ATP1A1: variants seen among roughly 807,000 people sequenced by gnomAD.
ATP1A1 encodes the protein ATPase Na+/K+ transporting subunit alpha 1, also known as sodium/potassium-transporting ATPase subunit alpha-1.
Under a neutral mutation model 114.8 loss-of-function variants are expected in ATP1A1, and 14 were observed. That is an observed-to-expected ratio of 0.12 (90% CI 0.08 to 0.19). The LOEUF (loss-of-function observed/expected upper bound fraction) is 0.19. Ranked by LOEUF, ATP1A1 falls within the 10% of genes least tolerant of loss-of-function variation. The pLI is 1.00. For synonymous variants in ATP1A1, 471 were observed against 466.3 expected (o/e 1.01, Z -0.13); for missense variants, 524 against 1,290.7 (o/e 0.41, Z 9.10).
In ATP1A1 at chr1:116,400,976, C is replaced by T. The variant is rs148578371; in HGVS notation, c.2688C>T (p.Asn896=). 31 of 1,614,146 alleles carry T rather than the reference C, an allele frequency of 1.9e-5. No homozygotes were observed. The African/African-American group carries it at 2.1e-4, about 11-fold the overall frequency. Residue 896 remains asparagine, a synonymous_variant, in exon 19 of 23, where the codon AAC becomes AAT. Transcript: ENST00000295598. The stretch of plus-strand genomic sequence containing the variant: ...TGGACTGGGATGACCGCTGGATCAA[C>T]GATGTGGAAGACAGCTACGGGCAGC... ...LRVDWDDRWI[N]DVEDSYGQQW...
chr1:116,378,399 T>C (rs1651504310), intron 1 of ATP1A1, among the ~76,000 whole-genome samples: 2 of 152,254 alleles, frequency 1.3e-5, no homozygotes, highest in African/African-American at 4.8e-5. Flanking sequence ...TAATGACTAT[T>C]GGCTGTCTCA....
At chr1:116,392,512 G>C (rs879301787) in intron 10 of ATP1A1, 1 of 185,644 alleles carries the variant, frequency 5.4e-6, no homozygotes, top group Non-Finnish European at 1.1e-5. Context: ...TTGGCTTTGA[G>C]ACTTTTCAGT....
At chr1:116,382,521 C>G (rs1209343009) in intron 1 of ATP1A1, 1 of 152,182 alleles carries the variant, frequency 6.6e-6, no homozygotes, top group Non-Finnish European at 1.5e-5. Flanking sequence ...AAGATAGAAA[C>G]TAAAGAACCC....
At chr1:116,402,724 G>A (rs1183024312) in intron 21 of ATP1A1, among the ~76,000 whole-genome samples, 2 of 152,140 alleles carry the variant, frequency 1.3e-5, no homozygotes, top group African/African-American at 4.8e-5. Context: ...CCCTCCTTCT[G>A]TTCCCTCTTA....
At chr1:116,383,299 G>A in intron 1 of ATP1A1, 1 of 1,042,888 alleles carries the variant, frequency 9.6e-7, no homozygotes, top group Non-Finnish European at 1.2e-6. Flanking sequence ...AGGAGTCTTA[G>A]GCTGACTTTT....
intron 1 of ATP1A1, chr1:116,374,146 C>G (rs1295941728): frequency 1.3e-6 from 2 of 1,548,528 alleles, no homozygotes; most frequent in East Asian, 4.9e-5. Context: ...GCCGCCCTCC[C>G]CCAAAGAAAA....
chr1:116,388,739 T>C lies in ATP1A1; in HGVS notation c.603T>C (p.Ala201=). ...VEVKGGDRIP[A]DLRIISANGC... ...TAAAAGGAGGAGACCGAATTCCTGC[T>C]GACCTCAGAATCATATCTGCAAATG... The change falls in exon 6 of 23, where the codon GCT becomes GCC. Residue 201 remains alanine, a synonymous_variant. Coordinates refer to ENST00000295598, the MANE Select transcript of ATP1A1 (RefSeq NM_000701.8). This position sits in a 1 kb window ranked among gnomAD's most constrained non-coding sequence, Gnocchi z 5.6. 6.2e-7 allele frequency: 1 copy of C among 1,614,238 alleles called. No homozygotes were observed. The highest frequency in any genetic ancestry group is 8.5e-7 in the Non-Finnish European group (1 of 1,180,048).
intron 10 of ATP1A1, 115 bp downstream of exon 10, chr1:116,391,006 C>G: frequency 2.3e-6 from 2 of 874,862 alleles, no homozygotes; most frequent in Non-Finnish European, 3.7e-6. Flanking sequence ...CTGTAGAACA[C>G]CTGGAGTGGT....
At position 116,386,542 on chromosome 1, in the gene ATP1A1, ATATTT is replaced by A. The variant is rs1462867108; in HGVS notation, c.184-739_184-735del. Among the ~76,000 whole-genome samples the A allele has an allele frequency of 8.5e-5, 13 of 152,278 alleles. No homozygotes were observed. The East Asian group carries it at 2.5e-3, about 29-fold the overall frequency. ...AGATAAATAGATACTTTAGACAAAA[ATATTT>A]TATTTTTTTTTTGACTTGTTATTTT... On this transcript the variant is annotated intron_variant, in intron 3 of 22. Transcript: ENST00000295598.
rs1422154504 is a variant in ATP1A1 at position 116,397,235 on chromosome 1, T to C, written c.1973+501T>C. ...ACAGATAATAGCAAATTGGTTTTGT[T>C]TTAAGGTTTAGGGCCCTTTCACCCT... On this transcript the variant is annotated intron_variant, in intron 14 of 22. Coordinates refer to ENST00000295598, the MANE Select transcript of ATP1A1 (RefSeq NM_000701.8). The surrounding 1 kb of genome is among the most constrained non-coding windows in gnomAD (Gnocchi z 4.2). 6.6e-6 allele frequency among the ~76,000 whole-genome samples: 1 copy of C among 152,204 alleles called. No individual in the cohort carries two copies. The highest frequency in any genetic ancestry group is 1.9e-4 in the East Asian group (1 of 5,202).
At chr1:116,403,027 G>C in intron 21 of ATP1A1, among the ~76,000 whole-genome samples, 1 of 152,200 alleles carries the variant, frequency 6.6e-6, no homozygotes, top group Non-Finnish European at 1.5e-5. Flanking sequence ...TTCCAAAAAG[G>C]CTGGTGGAAA....
In ATP1A1 at chr1:116,378,845, A is replaced by G. The variant is rs530940510; in HGVS notation, c.13-5169A>G. Among the ~76,000 whole-genome samples the G allele has an allele frequency of 2.6e-5, 4 of 152,300 alleles. No homozygotes were observed. In the South Asian group the frequency reaches 8.3e-4, roughly 32 times the overall value. ...TAATCAGTTGTCTCTAACCAGAGCA[A>G]TCTGGTAAAATGAAAAAAAGGAGGG... On this transcript the variant is annotated intron_variant, in intron 1 of 22. Transcript: ENST00000295598.
chr1:116,392,669 C>A, intron 10 of ATP1A1, 185 bp from the exon 11 acceptor site: 1 of 599,970 alleles, frequency 1.7e-6, no homozygotes, highest in Non-Finnish European at 2.7e-6. Flanking sequence ...GTCTGAAGCA[C>A]TGTGAACAGC....
Position 116,373,404 on chromosome 1 carries a change from C to A in ATP1A1, c.-108C>A. 8.2e-7 allele frequency: 1 copy of A among 1,213,022 alleles called. No homozygotes were observed. The highest frequency in any genetic ancestry group is 1.1e-6 in the Non-Finnish European group (1 of 893,254). 75.1% of individuals were successfully genotyped at this position (1,213,022 alleles called of 1,614,324 possible). A position where few individuals can be genotyped will look rare whatever the true frequency, so the allele number is the denominator to read the frequency against. On this transcript the variant is annotated 5_prime_UTR_variant, in exon 1 of 23. Coordinates refer to ENST00000295598, the MANE Select transcript of ATP1A1 (RefSeq NM_000701.8). ...CCCGCCCCGCGGCAGCCCTAGCTCCCTCCACTTGGCTCCCCTGGTCCCGCT... is the reference window on the plus strand; with the variant it reads ...CCCGCCCCGCGGCAGCCCTAGCTCCATCCACTTGGCTCCCCTGGTCCCGCT...
intron 1 of ATP1A1, 83 bp downstream of exon 1, chr1:116,373,606 G>C (rs1038731059): frequency 1.6e-6 from 2 of 1,289,852 alleles, no homozygotes; most frequent in Non-Finnish European, 2.0e-6. Context: ...ACCGCGGCCA[G>C]CGGGAGGCGG....
At chr1:116,402,726 TC>T (rs1388245130) in intron 21 of ATP1A1, among the ~76,000 whole-genome samples, 4 of 152,222 alleles carry the variant, frequency 2.6e-5, no homozygotes, top group Non-Finnish European at 4.4e-5. Flanking sequence ...CTCCTTCTGT[TC>T]CCTCTTACCC....
At chr1:116,374,183 G>C (rs1275894961) in intron 1 of ATP1A1, 3 of 1,550,300 alleles carry the variant, frequency 1.9e-6, no homozygotes, top group Non-Finnish European at 2.6e-6. Context: ...GTGCGAAGCC[G>C]GCTGGGCGGG....
chr1:116,396,551 T>C (rs754225030), intron 13 of ATP1A1, 47 bp from the exon 14 acceptor site: 1 of 1,608,312 alleles, frequency 6.2e-7, no homozygotes, highest in Admixed American at 1.7e-5. Context: ...GACTTTAAGG[T>C]CATTTACTTG....
chr1:116,374,991 A>G (rs1651265871), intron 1 of ATP1A1, among the ~76,000 whole-genome samples: 1 of 152,194 alleles, frequency 6.6e-6, no homozygotes. Flanking sequence ...AGGTGGCATC[A>G]AAGAGCGGAG....
Sources: gnomAD v4.1 joint callset for allele counts (sites outside exome capture counted in the v4.1 genomes callset) on GRCh38, gnomAD v4.1.1 for gene constraint, Gnocchi (gnomAD v3.1) non-coding constraint, MANE v1.5 for transcripts, NCBI Gene and HGNC (gene_info 2026-07-23, HGNC 2026-07-21) for gene names.